The following SMG6 variants were observed in gnomAD, a reference collection of about 807,000 sequenced individuals.
SMG6 encodes telomerase-binding protein EST1A.
Under a neutral mutation model 142.2 loss-of-function variants are expected in SMG6, and 66 were observed. The observed-to-expected ratio is 0.46, with a 90% confidence interval of 0.38 to 0.57. SMG6 has a LOEUF of 0.57. SMG6 is among the 20% of genes least tolerant of loss of function. The pLI, the probability that SMG6 is intolerant of heterozygous loss-of-function variation, is 0.00. For missense variants in SMG6, 1,793 were observed against 1,832.0 expected (o/e 0.98, Z 0.39); for synonymous variants, 779 against 702.4 (o/e 1.11, Z -1.72).
At chr17:2,247,986 G>C (rs2073961507) in intron 8 of SMG6, among the ~76,000 whole-genome samples, 2 of 151,300 alleles carry the variant, frequency 1.3e-5, no homozygotes, top group South Asian at 4.2e-4. Context: ...CGCACCTGTA[G>C]TCCCAGCTAC....
At chr17:2,072,342 C>T (rs1567573479) in intron 15 of SMG6, among the ~76,000 whole-genome samples, 2 of 152,092 alleles carry the variant, frequency 1.3e-5, no homozygotes, top group African/African-American at 4.8e-5. Flanking sequence ...ACCCAAGCAA[C>T]ACACGGACAC....
intron 8 of SMG6, among the ~76,000 whole-genome samples, chr17:2,258,151 C>T (rs1364279263): frequency 6.6e-6 from 1 of 151,372 alleles, no homozygotes; most frequent in Admixed American, 6.6e-5. Context: ...CGTCTGTTAA[C>T]ATTACAACAA....
chr17:2,080,848 G>A (rs1291838936), intron 15 of SMG6, among the ~76,000 whole-genome samples: 1 of 152,220 alleles, frequency 6.6e-6, no homozygotes, highest in Non-Finnish European at 1.5e-5. Context: ...TGTTAGCCAG[G>A]ATGGTCTCAA....
At chr17:2,256,578 C>A (rs895013877) in intron 8 of SMG6, among the ~76,000 whole-genome samples, 1 of 151,984 alleles carries the variant, frequency 6.6e-6, no homozygotes, top group Non-Finnish European at 1.5e-5. Context: ...CCTGGGCCAA[C>A]ATGGCAAAAC....
At chr17:2,168,291 C>A (rs1446500336) in intron 13 of SMG6, among the ~76,000 whole-genome samples, 1 of 152,048 alleles carries the variant, frequency 6.6e-6, no homozygotes, top group Non-Finnish European at 1.5e-5. Flanking sequence ...CTCCCAGGCT[C>A]AAGCAATTCT....
At chr17:2,252,101 AGAAAAAAAAG>A (rs2074058818) in intron 8 of SMG6, among the ~76,000 whole-genome samples, 1 of 150,376 alleles carries the variant, frequency 6.6e-6, no homozygotes, top group African/African-American at 2.5e-5. Flanking sequence ...ACTCCATCTC[AGAAAAAAAAG>A]GAAAAAAAAG....
chr17:2,128,713 A>T (rs1050960079), intron 13 of SMG6, among the ~76,000 whole-genome samples: 27 of 151,740 alleles, frequency 1.8e-4, no homozygotes, highest in African/African-American at 6.0e-4. Context: ...AGGCCCAGCT[A>T]CTTGGGAGAC....
chr17:2,103,058 T>A (rs1220915976), intron 13 of SMG6, among the ~76,000 whole-genome samples: 2 of 152,226 alleles, frequency 1.3e-5, no homozygotes, highest in Admixed American at 1.3e-4. Context: ...TCAGACTAAT[T>A]CCATAACTTG....
chr17:2,293,758 G>A (rs111933964), intron 4 of SMG6, among the ~76,000 whole-genome samples: 4,292 of 152,346 alleles, frequency 0.028, 99 homozygotes, highest in Non-Finnish European at 0.041. Flanking sequence ...ACAGGCGTGA[G>A]CCATCACGCC....
chr17:2,138,272 A>G (rs2070368414), intron 13 of SMG6, among the ~76,000 whole-genome samples: 2 of 152,288 alleles, frequency 1.3e-5, no homozygotes, highest in South Asian at 4.1e-4. Flanking sequence ...TGTAAAGGTT[A>G]GGGAAATGAG....
At chr17:2,294,019 C>T (rs912822120) in intron 4 of SMG6, among the ~76,000 whole-genome samples, 1 of 152,144 alleles carries the variant, frequency 6.6e-6, no homozygotes, top group East Asian at 1.9e-4. Flanking sequence ...CACCACCTCA[C>T]AGCACACAAT....
intron 8 of SMG6, among the ~76,000 whole-genome samples, chr17:2,261,406 CT>C (rs1246905624): frequency 6.6e-6 from 1 of 152,078 alleles, no homozygotes; most frequent in African/African-American, 2.4e-5. Context: ...AATTTATCAC[CT>C]GTATGGCTCT....
intron 13 of SMG6, chr17:2,127,282 T>C: frequency 2.5e-6 from 1 of 394,540 alleles, no homozygotes; most frequent in South Asian, 2.2e-5. Context: ...GGTTACGGCG[T>C]TTGGAATGAT....
chr17:2,068,432 G>C lies in SMG6; in HGVS notation c.3835+346C>G, dbSNP rs780021842. Among the ~76,000 whole-genome samples, 1 of 152,216 alleles carries C rather than the reference G, an allele frequency of 6.6e-6. No individual in the cohort carries two copies. The highest frequency in any genetic ancestry group is 1.5e-5 in the Non-Finnish European group (1 of 68,032). On this transcript the variant is annotated intron_variant, in intron 16 of 18. Coordinates refer to ENST00000263073, the MANE Select transcript of SMG6 (RefSeq NM_017575.5). The surrounding 1 kb of genome is among the most constrained non-coding windows in gnomAD (Gnocchi z 6.7). ...TGCCAGACCACCCAGCAGCACTGCC[G>C]TTATCTGCCAGGGCTGAGTGTTTAC...
chr17:2,303,617 G>A lies in SMG6; in HGVS notation c.88+16C>T, dbSNP rs1458833501. ...GGCGGGCAGGCCCGGCCCAGGAGCT[G>A]GGCGGCGCGACTCACCTCTGCTCCC... On this transcript the variant is annotated intron_variant, in intron 1 of 18. Coordinates refer to ENST00000263073, the MANE Select transcript of SMG6 (RefSeq NM_017575.5). 1.4e-6 allele frequency: 2 copies of A among 1,444,514 alleles called. No homozygotes were observed. Among genetic ancestry groups the A allele is most frequent in the South Asian group, 1.3e-5 (1 of 74,292 alleles). 89.5% of individuals were successfully genotyped at this position (1,444,514 alleles called of 1,614,324 possible).
chr17:2,117,902 C>T (rs1297035643), intron 13 of SMG6: 1 of 152,042 alleles, frequency 6.6e-6, no homozygotes. Context: ...ACTTGATATC[C>T]ATATGGGGGG....
chr17:2,290,280 A>G (rs1214179369), intron 6 of SMG6, among the ~76,000 whole-genome samples: 1 of 152,240 alleles, frequency 6.6e-6, no homozygotes, highest in Non-Finnish European at 1.5e-5. Context: ...AGAGAAATAG[A>G]TGAACAGAGA....
chr17:2,069,788 C>T (rs1567571092), intron 15 of SMG6, among the ~76,000 whole-genome samples: 1 of 152,218 alleles, frequency 6.6e-6, no homozygotes, highest in African/African-American at 2.4e-5. Context: ...AATGGCCCAC[C>T]ACCTTGCCCT....
intron 13 of SMG6, among the ~76,000 whole-genome samples, chr17:2,114,933 A>G (rs1368761619): frequency 8.6e-6 from 1 of 116,100 alleles, no homozygotes; most frequent in Non-Finnish European, 1.7e-5. Context: ...AAATAAAATA[A>G]AATAAAATAA....
Sources: allele counts gnomAD v4.1 joint callset (sites outside exome capture counted in the v4.1 genomes callset), GRCh38; gene constraint gnomAD v4.1.1; non-coding constraint Gnocchi (gnomAD v3.1); transcripts MANE v1.5; gene names NCBI Gene and HGNC (gene_info 2026-07-23, HGNC 2026-07-21).